MAP2K1: variants seen among roughly 807,000 people sequenced by gnomAD.
MAP2K1 encodes the protein dual specificity mitogen-activated protein kinase kinase 1.
A neutral mutation model predicts 46.3 loss-of-function variants in MAP2K1; 16 were observed. The ratio of observed to expected loss-of-function variants is 0.35; its 90% CI spans 0.23 to 0.52. MAP2K1 has a LOEUF of 0.52. Ranked by LOEUF, MAP2K1 falls within the 20% of genes least tolerant of loss-of-function variation. MAP2K1 has a pLI of 0.94. For synonymous variants in MAP2K1, 183 were observed against 185.6 expected (o/e 0.99, Z 0.11); for missense variants, 263 against 497.1 (o/e 0.53, Z 4.48).
intron 10 of MAP2K1, 60 bp downstream of exon 10, chr15:66,489,823 A>C: frequency 7.1e-7 from 1 of 1,406,558 alleles, no homozygotes; most frequent in Non-Finnish European, 1.0e-6. Flanking sequence ...CTTCTCTGTC[A>C]GTCATCTGTG....
At chr15:66,487,166 T>G in intron 7 of MAP2K1, 62 bp from the exon 8 acceptor site, 1 of 1,415,610 alleles carries the variant, frequency 7.1e-7, no homozygotes, top group Non-Finnish European at 1.0e-6. Flanking sequence ...CCCAACCCCT[T>G]GCCTCATATT....
chr15:66,444,628 C>A (rs755627674), intron 4 of MAP2K1, 28 bp from the exon 5 acceptor site: 6 of 1,522,348 alleles, frequency 3.9e-6, no homozygotes, highest in African/African-American at 2.7e-5. Flanking sequence ...CCAGTATTTT[C>A]TTTTCTTTTA....
At chr15:66,420,119 C>T (rs1232614457) in intron 1 of MAP2K1, among the ~76,000 whole-genome samples, 17 of 151,966 alleles carry the variant, frequency 1.1e-4, no homozygotes, top group Non-Finnish European at 2.9e-5. Flanking sequence ...TGGTGGGCAC[C>T]TGTAGTCCCA....
chr15:66,468,807 T>C (rs62010239), intron 5 of MAP2K1, among the ~76,000 whole-genome samples: 8,537 of 151,566 alleles, frequency 0.056, 346 homozygotes, highest in Middle Eastern at 0.11. Context: ...GGTGCGTGCC[T>C]GTAATCCCAA....
intron 7 of MAP2K1, among the ~76,000 whole-genome samples, chr15:66,485,768 T>C (rs539722754): frequency 2.0e-5 from 3 of 152,102 alleles, no homozygotes; most frequent in South Asian, 2.1e-4. Flanking sequence ...TTTGTAGAGA[T>C]ATAGTCTCCT....
At chr15:66,423,923 T>C (rs191267232) in intron 1 of MAP2K1, among the ~76,000 whole-genome samples, 1 of 152,066 alleles carries the variant, frequency 6.6e-6, no homozygotes, top group African/African-American at 2.4e-5. Flanking sequence ...TGGCTGATTG[T>C]TTTATTTTTA....
chr15:66,416,269 C>A (rs1489062269), intron 1 of MAP2K1, among the ~76,000 whole-genome samples: 1 of 150,680 alleles, frequency 6.6e-6, no homozygotes, highest in African/African-American at 2.4e-5. Context: ...ATTGTTGTTA[C>A]ACTTGTATAG....
intron 5 of MAP2K1, among the ~76,000 whole-genome samples, chr15:66,448,152 CAAAAAAAAAAA>C (rs67953737): frequency 1.8e-4 from 16 of 86,980 alleles, no homozygotes; most frequent in Admixed American, 6.6e-4. Context: ...GACTCCATCT[CAAAAAAAAAAA>C]AAAAAAAAAA....
intron 7 of MAP2K1, among the ~76,000 whole-genome samples, chr15:66,486,809 T>C (rs1893049320): frequency 6.6e-6 from 1 of 152,238 alleles, no homozygotes; most frequent in Non-Finnish European, 1.5e-5. Context: ...GGCTGGTGGC[T>C]GTGGCCTCTG....
At chr15:66,478,419 C>G (rs1302847287) in intron 5 of MAP2K1, among the ~76,000 whole-genome samples, 1 of 126,436 alleles carries the variant, frequency 7.9e-6, no homozygotes, top group African/African-American at 2.7e-5. Flanking sequence ...TATATACACA[C>G]AGGTATATAT....
At chr15:66,446,678 G>T in intron 5 of MAP2K1, 2 of 392,784 alleles carry the variant, frequency 5.1e-6, no homozygotes, top group African/African-American at 2.1e-5. Context: ...GTTTCATCTC[G>T]GGCATAAACA....
intron 1 of MAP2K1, among the ~76,000 whole-genome samples, chr15:66,401,041 T>C (rs2093380493): frequency 6.6e-6 from 1 of 152,214 alleles, no homozygotes; most frequent in Admixed American, 6.5e-5. Flanking sequence ...ATAGTCGAGA[T>C]CAGTTGATTT....
At chr15:66,423,885 G>A (rs186515110) in intron 1 of MAP2K1, among the ~76,000 whole-genome samples, 256 of 151,846 alleles carry the variant, frequency 1.7e-3, no homozygotes, top group Admixed American at 3.8e-3. Context: ...GGGATTACAG[G>A]TGTGAGCCAC....
chr15:66,448,291 G>T (rs139492639), intron 5 of MAP2K1, among the ~76,000 whole-genome samples: 13 of 152,152 alleles, frequency 8.5e-5, no homozygotes, highest in African/African-American at 1.2e-4. Context: ...TGTCCTTTAG[G>T]GACTGGCTTG....
intron 1 of MAP2K1, among the ~76,000 whole-genome samples, chr15:66,394,011 C>T (rs1430724554): frequency 1.3e-5 from 2 of 152,170 alleles, no homozygotes; most frequent in African/African-American, 4.8e-5. Context: ...TTCTGCCACC[C>T]CAAGTGTAAG....
At chr15:66,387,504 C>T in intron 1 of MAP2K1, 77 bp downstream of exon 1, 1 of 1,424,070 alleles carries the variant, frequency 7.0e-7, no homozygotes, top group Non-Finnish European at 9.7e-7. Context: ...GCGCGCCAGG[C>T]TCCGATCTGG....
intron 5 of MAP2K1, among the ~76,000 whole-genome samples, chr15:66,447,021 C>G (rs1045463436): frequency 2.6e-5 from 4 of 152,126 alleles, no homozygotes; most frequent in African/African-American, 9.7e-5. Flanking sequence ...TCGGCCATGT[C>G]CCTTCAGCCA....
chr15:66,470,851 T>TA (rs1892615058), intron 5 of MAP2K1, among the ~76,000 whole-genome samples: 1 of 152,194 alleles, frequency 6.6e-6, no homozygotes, highest in Non-Finnish European at 1.5e-5. Context: ...CAGGAGGTCC[T>TA]GATGATATGT....
chr15:66,491,297 T>TA lies in MAP2K1; in HGVS notation c.*683dup, dbSNP rs1448853388. 1 of 234,610 alleles carries TA rather than the reference T, an allele frequency of 4.3e-6. No homozygotes were observed. Among genetic ancestry groups the TA allele is most frequent in the East Asian group, 6.1e-5 (1 of 16,404 alleles). 14.5% of individuals were successfully genotyped at this position (234,610 alleles called of 1,614,324 possible). On this transcript the variant is annotated 3_prime_UTR_variant, in exon 11 of 11. Coordinates refer to ENST00000307102, the MANE Select transcript of MAP2K1 (RefSeq NM_002755.4). ...GTATACTGTGTGGGATACTTAGTGG[T>TA]ATGTCTCTTTAAGTTTTGATTAATG... is the stretch of plus-strand genomic sequence containing the variant.
Sources: gnomAD v4.1 joint callset for allele counts (sites outside exome capture counted in the v4.1 genomes callset) on GRCh38, gnomAD v4.1.1 for gene constraint, MANE v1.5 for transcripts, NCBI Gene and HGNC (gene_info 2026-07-23, HGNC 2026-07-21) for gene names.